The following ATP2A1 variants were observed in gnomAD, a reference collection of about 807,000 sequenced individuals.
The protein encoded by ATP2A1 is sarcoplasmic/endoplasmic reticulum calcium ATPase 1.
Under a neutral mutation model 109.5 loss-of-function variants are expected in ATP2A1, and 83 were observed. That is an observed-to-expected ratio of 0.76 (90% confidence interval 0.63 to 0.91). The LOEUF (loss-of-function observed/expected upper bound fraction) is 0.91. ATP2A1 is among the 40% of genes least tolerant of loss of function. The pLI is 0.00. For missense variants in ATP2A1, 1,101 were observed against 1,341.0 expected (o/e 0.82, Z 2.80); for synonymous variants, 505 against 537.6 (o/e 0.94, Z 0.84).
Position 28,902,708 on chromosome 16 carries a change from AT to A in ATP2A1, c.2610+44del. On this transcript the variant is annotated intron_variant, in intron 18 of 22. Transcript: ENST00000395503. This position sits in a 1 kb window ranked among gnomAD's most constrained non-coding sequence, Gnocchi z 4.8. ...AGGAGGGGACCAGGAGGGTGTGGGG[AT>A]GCAGGAGGGTACCAGGAGGGTGGCA... 1 of 1,613,872 alleles carries A rather than the reference AT, an allele frequency of 6.2e-7. No homozygotes were observed. The highest frequency in any genetic ancestry group is 8.5e-7 in the Non-Finnish European group (1 of 1,179,888).
chr16:28,889,069 A>G (rs1014554475), intron 9 of ATP2A1, 116 bp downstream of exon 9: 6 of 1,443,392 alleles, frequency 4.2e-6, no homozygotes, highest in Non-Finnish European at 5.8e-6. Flanking sequence ...TGGGCCTGCA[A>G]AATGCTCAAA....
chr16:28,898,489 T>C lies in ATP2A1; in HGVS notation c.1764+38T>C, dbSNP rs776554694. The C allele has an allele frequency of 3.1e-6, 5 of 1,591,502 alleles. No homozygotes were observed. In the Admixed American group the frequency reaches 8.9e-5, roughly 28 times the overall value. ...GAGCCTCCCACTGTCGTGGAGCTGGTGAAGGGCCGGGTCCCAGCCATCCAC... is the reference window on the plus strand; with the variant it reads ...GAGCCTCCCACTGTCGTGGAGCTGGCGAAGGGCCGGGTCCCAGCCATCCAC... On this transcript the variant is annotated intron_variant, in intron 14 of 22. Transcript: ENST00000395503. The surrounding 1 kb of genome is among the most constrained non-coding windows in gnomAD (Gnocchi z 4.0).
chr16:28,894,901 A>T lies in ATP2A1; in HGVS notation c.1367A>T (p.Asn456Ile). The T allele has an allele frequency of 6.2e-7, 1 of 1,612,480 alleles. No homozygotes were observed. The highest frequency in any genetic ancestry group is 8.5e-7 in the Non-Finnish European group (1 of 1,180,000). Residue 456 changes from asparagine to isoleucine, a missense_variant, in exon 12 of 23, where the codon AAC becomes ATC. Coordinates refer to ENST00000395503, the MANE Select transcript of ATP2A1 (RefSeq NM_004320.6). ...TTLVEKMNVF[N>I]TDVRSLSKVE... ...CTGGTGGAGAAGATGAATGTGTTCA[A>T]CACGGATGTGAGAAGCCTCTCGAAG...
chr16:28,887,316 A>G (rs1294915871), intron 7 of ATP2A1, 42 bp downstream of exon 7: 2 of 1,613,290 alleles, frequency 1.2e-6, no homozygotes, highest in Non-Finnish European at 1.7e-6. Flanking sequence ...CAGTCAAGCC[A>G]GGTGCCCGGG....
intron 9 of ATP2A1, among the ~76,000 whole-genome samples, chr16:28,891,589 C>CAAAAAAAAAAAAA (rs58605175): frequency 4.1e-5 from 3 of 72,662 alleles, no homozygotes; most frequent in African/African-American, 2.0e-4. Flanking sequence ...GACTCCGTCT[C>CAAAAAAAAAAAAA]AAAAAAAAAA....
At position 28,880,221 on chromosome 16, in the gene ATP2A1, C is replaced by A; in HGVS notation, c.219+638C>A. 1.3e-6 allele frequency: 1 copy of A among 753,488 alleles called. No individual in the cohort carries two copies. The highest frequency in any genetic ancestry group is 1.6e-6 in the Non-Finnish European group (1 of 614,110). 46.7% of individuals were successfully genotyped at this position (753,488 alleles called of 1,614,324 possible). The stretch of plus-strand genomic sequence containing the variant: ...TCTGCCTCCTCTCCCGCCCTGGGGG[C>A]TACTCCCCATCCCGCGGTCCATCTG... On this transcript the variant is annotated intron_variant, in intron 3 of 22. Transcript: ENST00000395503. The surrounding 1 kb of genome is among the most constrained non-coding windows in gnomAD (Gnocchi z 4.2).
chr16:28,892,415 T>C (rs963893186), intron 9 of ATP2A1: 1 of 347,838 alleles, frequency 2.9e-6, no homozygotes, highest in Non-Finnish European at 5.8e-6. Context: ...AAGCAAGGGC[T>C]GTGTGGTCAG....
In ATP2A1 at chr16:28,902,957, G is replaced by T. The variant is rs1964128665; in HGVS notation, c.2744+46G>T. ...CCCACCACCCTCCCCTGAGGCCACT[G>T]CCCACATCCTCCACTGTGCCGCCCA... On this transcript the variant is annotated intron_variant, in intron 19 of 22. Transcript: ENST00000395503. This position sits in a 1 kb window ranked among gnomAD's most constrained non-coding sequence, Gnocchi z 4.8. The T allele has an allele frequency of 6.2e-7, 1 of 1,612,992 alleles. No homozygotes were observed. The highest frequency in any genetic ancestry group is 1.3e-5 in the African/African-American group (1 of 74,728).
chr16:28,901,668 A>C (rs1308959750), intron 15 of ATP2A1, among the ~76,000 whole-genome samples, 195 bp from the exon 16 acceptor site: 1 of 151,884 alleles, frequency 6.6e-6, no homozygotes. Context: ...TTCTAAACTG[A>C]GTTTTTGGCC....
chr16:28,904,204 G>A lies in ATP2A1; in HGVS notation c.*62G>A. 1.9e-6 allele frequency: 3 copies of A among 1,613,312 alleles called. No homozygotes were observed. The highest frequency in any genetic ancestry group is 2.5e-6 in the Non-Finnish European group (3 of 1,179,374). Reference sequence around the variant, plus strand: ...GATCCAGAAGATGAAAGAAGGAAGTGAGCATCCTTTTGCTCTGTCCTCCCC... The same window carrying A: ...GATCCAGAAGATGAAAGAAGGAAGTAAGCATCCTTTTGCTCTGTCCTCCCC... On this transcript the variant is annotated 3_prime_UTR_variant, in exon 23 of 23. Coordinates refer to ENST00000395503, the MANE Select transcript of ATP2A1 (RefSeq NM_004320.6).
In ATP2A1 at chr16:28,887,493, G is replaced by A; in HGVS notation, c.699G>A (p.Gly233=). The A allele has an allele frequency of 6.2e-7, 1 of 1,614,078 alleles. No homozygotes were observed. Among genetic ancestry groups the A allele is most frequent in the South Asian group, 1.1e-5 (1 of 91,068 alleles). The change falls in exon 8 of 23, where the codon GGG becomes GGA. Residue 233 remains glycine (G), a synonymous_variant. Coordinates refer to ENST00000395503, the MANE Select transcript of ATP2A1 (RefSeq NM_004320.6). ...VATTGVGTEI[G]KIRDQMAATE... Reference sequence around the variant, plus strand: ...CCACTGGTGTGGGCACCGAGATTGGGAAGATCCGAGACCAAATGGCTGCCA... The same window carrying A: ...CCACTGGTGTGGGCACCGAGATTGGAAAGATCCGAGACCAAATGGCTGCCA...
At chr16:28,891,595 A>AT (rs1567485047) in intron 9 of ATP2A1, among the ~76,000 whole-genome samples, 4 of 150,274 alleles carry the variant, frequency 2.7e-5, no homozygotes, top group African/African-American at 4.9e-5. Context: ...GTCTCAAAAA[A>AT]AAAAAAAAAA....
chr16:28,901,745 C>T (rs1964079874), intron 15 of ATP2A1, 118 bp from the exon 16 acceptor site: 1 of 904,190 alleles, frequency 1.1e-6, no homozygotes, highest in Middle Eastern at 3.2e-4. Context: ...TTGCTTGAGC[C>T]CAGGAGTTCA....
rs1963429615 is a variant in ATP2A1, at chr16:28,880,343, C to A, written c.220-572C>A. On this transcript the variant is annotated intron_variant, in intron 3 of 22. Transcript: ENST00000395503. This position sits in a 1 kb window ranked among gnomAD's most constrained non-coding sequence, Gnocchi z 4.2. ...CTTGGTCTCCGAACGCAGGCCCCGT[C>A]GCGTTAAGCACAAGCTGGCAGGGCC... Among the ~76,000 whole-genome samples the A allele has an allele frequency of 1.3e-5, 2 of 152,240 alleles. No individual in the cohort carries two copies. The highest frequency in any genetic ancestry group is 1.3e-4 in the Admixed American group (2 of 15,294).
chr16:28,887,713 A>G lies in ATP2A1; in HGVS notation c.919A>G (p.Ile307Val), dbSNP rs2152204093. The G allele has an allele frequency of 6.2e-7, 1 of 1,613,994 alleles. No homozygotes were observed. Among genetic ancestry groups the G allele is most frequent in the Non-Finnish European group, 8.5e-7 (1 of 1,180,044 alleles). ...TGCCGTGGCCTTGGCTGTGGCTGCC[A>G]TCCCCGAAGGTATGAAAGCCTTTCT... ...KIAVALAVAA[I>V]PEGLPAVITT... Residue 307 changes from isoleucine (I) to valine (V), a missense_variant, in exon 8 of 23, where the codon ATC becomes GTC. Transcript: ENST00000395503.
intron 8 of ATP2A1, 114 bp downstream of exon 8, chr16:28,887,836 T>C: frequency 7.3e-7 from 1 of 1,377,634 alleles, no homozygotes. Context: ...AGTCTTGCTC[T>C]GTCACCCAGG....
At chr16:28,879,671 G>T in intron 3 of ATP2A1, 88 bp downstream of exon 3, 2 of 1,424,780 alleles carry the variant, frequency 1.4e-6, no homozygotes, top group Non-Finnish European at 1.9e-6. Context: ...GGATCCTCCC[G>T]TCCGAGTCCC....
At position 28,883,157 on chromosome 16, in the gene ATP2A1, G is replaced by C. The variant is rs1441756228; in HGVS notation, c.463+568G>C. ...ACTTAATGCCTGGCCAGGGAGGGGT[G>C]GGGGCCGGGTGGCTAAGATTACTGG... On this transcript the variant is annotated intron_variant, in intron 5 of 22. Transcript: ENST00000395503. This position sits in a 1 kb window ranked among gnomAD's most constrained non-coding sequence, Gnocchi z 5.2. Among the ~76,000 whole-genome samples the C allele has an allele frequency of 6.6e-6, 1 of 152,212 alleles. No homozygotes were observed. Among genetic ancestry groups the C allele is most frequent in the Non-Finnish European group, 1.5e-5 (1 of 68,028 alleles).
Position 28,894,881 on chromosome 16 carries a change from G to T in ATP2A1, c.1347G>T (p.Val449=). The change falls in exon 12 of 23, where the codon GTG becomes GTT. Residue 449 remains valine, a synonymous_variant. Coordinates refer to ENST00000395503, the MANE Select transcript of ATP2A1 (RefSeq NM_004320.6). The stretch of plus-strand genomic sequence containing the variant: ...CCGAGACAGCACTCACCACCCTGGT[G>T]GAGAAGATGAATGTGTTCAACACGG... The part of the protein sequence containing the change: ...EATETALTTL[V]EKMNVFNTDV... 1 of 1,612,478 alleles carries T rather than the reference G, an allele frequency of 6.2e-7. No homozygotes were observed.
Sources: gnomAD v4.1 joint callset for allele counts (sites outside exome capture counted in the v4.1 genomes callset) on GRCh38, gnomAD v4.1.1 for gene constraint, Gnocchi (gnomAD v3.1) non-coding constraint, MANE v1.5 for transcripts, NCBI Gene and HGNC (gene_info 2026-07-23, HGNC 2026-07-21) for gene names.